TNR: variants seen among roughly 807,000 people sequenced by gnomAD.
TNR encodes tenascin R.
A neutral mutation model predicts 150.4 loss-of-function variants in TNR; 45 were observed. The observed-to-expected ratio is 0.30, with a 90% CI of 0.24 to 0.38. The LOEUF is 0.38. Among genes scored for constraint, TNR ranks in the 10% least tolerant of loss-of-function variants. The probability of loss-of-function intolerance (pLI) is 1.00; values close to 1 mark genes in which losing one functional copy is unlikely to be tolerated. For synonymous variants in TNR, 687 were observed against 678.4 expected, an observed-to-expected ratio of 1.01 and a Z score of -0.20; for missense variants, 1,544 against 1,759.1, an observed-to-expected ratio of 0.88 and a Z score of 2.19.
Position 175,316,254 on chromosome 1 carries a change from C to T in TNR, c.*7103G>A, listed in dbSNP as rs986978242. ...TAGCCAACTGTCTTCTGATGCCTTC[C>T]CACCCACTAGGGATGTGGGGCAGGT... On this transcript the variant is annotated 3_prime_UTR_variant, in exon 23 of 23. Coordinates refer to ENST00000367674, the MANE Select transcript of TNR (RefSeq NM_003285.3). 2 of 152,198 alleles carry T rather than the reference C, an allele frequency of 1.3e-5. No homozygotes were observed. The highest frequency in any genetic ancestry group is 1.9e-4 in the East Asian group (1 of 5,194). The allele number at this position is 152,198 out of a possible 1,614,324, so 9.4% of individuals were successfully genotyped here.
intron 2 of TNR, among the ~76,000 whole-genome samples, chr1:175,418,185 T>C (rs979960118): frequency 6.6e-6 from 1 of 152,052 alleles, no homozygotes; most frequent in Non-Finnish European, 1.5e-5. Flanking sequence ...ATTCTAGATG[T>C]TGAGGTCAGG....
At chr1:175,692,314 C>T (rs1208649272) in intron 1 of TNR, among the ~76,000 whole-genome samples, 2 of 152,164 alleles carry the variant, frequency 1.3e-5, no homozygotes, top group Non-Finnish European at 2.9e-5. Context: ...TGGTCTTGTG[C>T]AGCTAGACAT....
chr1:175,351,364 T>C (rs1651042643), intron 18 of TNR, among the ~76,000 whole-genome samples: 1 of 152,198 alleles, frequency 6.6e-6, no homozygotes, highest in South Asian at 2.1e-4. Flanking sequence ...AATGACTATG[T>C]AGCCTAGTGG....
chr1:175,370,243 T>C (rs1159509533), intron 9 of TNR, among the ~76,000 whole-genome samples: 2 of 152,038 alleles, frequency 1.3e-5, no homozygotes, highest in Non-Finnish European at 2.9e-5. Flanking sequence ...GAGGATTATA[T>C]GAGTCAAAGT....
intron 1 of TNR, among the ~76,000 whole-genome samples, chr1:175,656,253 GCCCTGTGCCAA>G (rs1171784057): frequency 9.9e-5 from 15 of 151,388 alleles, no homozygotes; most frequent in African/African-American, 3.2e-4. Context: ...CTCTATGCCA[GCCCTGTGCCAA>G]CCCTGAGGTG....
chr1:175,581,630 C>A (rs371175245), intron 1 of TNR, among the ~76,000 whole-genome samples: 2 of 152,160 alleles, frequency 1.3e-5, no homozygotes, highest in African/African-American at 4.8e-5. Context: ...TGCTCATTGT[C>A]TTTGACTTCA....
intron 1 of TNR, among the ~76,000 whole-genome samples, chr1:175,688,106 C>A (rs1425059548): frequency 1.3e-5 from 2 of 152,242 alleles, no homozygotes; most frequent in Admixed American, 1.3e-4. Flanking sequence ...AAACTGACTT[C>A]TAATGAGCAC....
chr1:175,558,655 A>G (rs1299691520), intron 1 of TNR, among the ~76,000 whole-genome samples: 1 of 152,242 alleles, frequency 6.6e-6, no homozygotes, highest in Non-Finnish European at 1.5e-5. Flanking sequence ...GGAGTTTTAC[A>G]GGATAAAAAT....
intron 1 of TNR, among the ~76,000 whole-genome samples, chr1:175,668,897 T>G (rs946402127): frequency 2.6e-5 from 4 of 152,204 alleles, no homozygotes; most frequent in African/African-American, 9.7e-5. Context: ...CACAGCCTCT[T>G]ACCTCCTTGG....
At chr1:175,718,972 A>C (rs933375525) in intron 1 of TNR, among the ~76,000 whole-genome samples, 3 of 152,104 alleles carry the variant, frequency 2.0e-5, no homozygotes, top group Non-Finnish European at 4.4e-5. Context: ...CCGCAATCCC[A>C]CAATCTGCCA....
rs543104248 is a variant in TNR at position 175,366,887 on chromosome 1, G to A, written c.2053+321C>T. ...GATGCCCCATTCTGCCTGCTGTCGG[G>A]GTGGTCTAGATAAAAATATGGCCTG... On this transcript the variant is annotated intron_variant, in intron 10 of 22. Transcript: ENST00000367674. Among the ~76,000 whole-genome samples, 3 of 152,300 alleles carry A rather than the reference G, an allele frequency of 2.0e-5. No individual in the cohort carries two copies. In the East Asian group the frequency reaches 5.8e-4, roughly 29 times the overall value.
Position 175,406,683 on chromosome 1 carries a change from T to C in TNR, c.32A>G (p.Lys11Arg), listed in dbSNP as rs142851922. The C allele has an allele frequency of 5.0e-6, 8 of 1,614,196 alleles. No homozygotes were observed. Among genetic ancestry groups the C allele is most frequent in the Non-Finnish European group, 6.8e-6 (8 of 1,180,024 alleles). MGADGETVVL[K>R]NMLIGINLIL... is the part of the protein sequence containing the mutation. ...CAGGTTGATGCCAATGAGCATGTTC[T>C]TCAGAACCACTGTTTCCCCATCTGC... is the stretch of plus-strand genomic sequence containing the variant. Residue 11 changes from lysine (K) to arginine (R), a missense_variant, in exon 3 of 23, where the codon AAG becomes AGG. Transcript: ENST00000367674.
chr1:175,734,115 C>A (rs1667713570), intron 1 of TNR, among the ~76,000 whole-genome samples: 1 of 152,152 alleles, frequency 6.6e-6, no homozygotes, highest in Non-Finnish European at 1.5e-5. Context: ...TGCAGCCAGC[C>A]TCAGGCCAAA....
At chr1:175,351,728 A>G (rs1480415466) in intron 18 of TNR, among the ~76,000 whole-genome samples, 1 of 152,246 alleles carries the variant, frequency 6.6e-6, no homozygotes, top group African/African-American at 2.4e-5. Context: ...GGTATACATG[A>G]GTGACTTACA....
rs111668838 is a variant in TNR, at chr1:175,642,222, G to A, written c.-165+101004C>T. On this transcript the variant is annotated intron_variant, in intron 1 of 22. Coordinates refer to ENST00000367674, the MANE Select transcript of TNR (RefSeq NM_003285.3). ...AGTCCACAAGGGATAACCAGAGTAT[G>A]TGAAAAGTGTATAGGCATTGTGTGC... 5.8e-3 allele frequency among the ~76,000 whole-genome samples: 883 copies of A among 152,302 alleles called. 3 individuals carry two copies. Among genetic ancestry groups the A allele is most frequent in the Non-Finnish European group, 0.01 (688 of 68,026 alleles).
At chr1:175,420,330 T>C (rs859476) in intron 2 of TNR, among the ~76,000 whole-genome samples, 76,467 of 152,000 alleles carry the variant, frequency 0.5, 21,062 homozygotes, top group African/African-American at 0.74. Flanking sequence ...TAAAACTTAC[T>C]TTCCTCTGTG....
intron 1 of TNR, among the ~76,000 whole-genome samples, chr1:175,623,929 T>C (rs539517081): frequency 1.3e-5 from 2 of 152,362 alleles, no homozygotes; most frequent in African/African-American, 4.8e-5. Context: ...CTGTTTCCTC[T>C]ATGCTACCCT....
intron 2 of TNR, among the ~76,000 whole-genome samples, chr1:175,470,040 A>C (rs859369): frequency 0.69 from 105,132 of 151,974 alleles, 36,796 homozygotes; most frequent in African/African-American, 0.79. Flanking sequence ...TCTAACTGGC[A>C]TGGTTGGTAT....
intron 2 of TNR, among the ~76,000 whole-genome samples, chr1:175,489,109 A>G (rs1412314455): frequency 1.3e-5 from 2 of 152,194 alleles, no homozygotes; most frequent in Non-Finnish European, 2.9e-5. Context: ...GTAAGGATGG[A>G]AAAAGGTGAT....
Sources: allele counts gnomAD v4.1 joint callset (sites outside exome capture counted in the v4.1 genomes callset), GRCh38; gene constraint gnomAD v4.1.1; transcripts MANE v1.5; gene names NCBI Gene and HGNC (gene_info 2026-07-23, HGNC 2026-07-21).